The following BPIFB4 variants were observed in gnomAD, a reference collection of about 807,000 sequenced individuals.
BPIFB4 encodes BPI fold-containing family B member 4.
Under a neutral mutation model 69.2 loss-of-function variants are expected in BPIFB4, and 62 were observed. That is an observed-to-expected ratio of 0.90 (90% CI 0.73 to 1.11). The LOEUF (loss-of-function observed/expected upper bound fraction) is 1.11. BPIFB4 is among the 50% of genes least tolerant of loss of function. BPIFB4 has a pLI of 0.00. For missense variants in BPIFB4, 789 were observed against 792.0 expected (o/e 1.00, Z 0.04); for synonymous variants, 330 against 332.7 (o/e 0.99, Z 0.09).
chr20:33,081,723 G>T (rs1981237640), intron 3 of BPIFB4, 91 bp downstream of exon 3: 1 of 1,508,396 alleles, frequency 6.6e-7, no homozygotes, highest in Non-Finnish European at 8.9e-7. Context: ...CCTCCTGCTA[G>T]CAGAGTTCAC....
Position 33,081,623 on chromosome 20 carries a change from T to G in BPIFB4, c.97T>G (p.Leu33Val). 1 of 1,551,702 alleles carries G rather than the reference T, an allele frequency of 6.4e-7. No homozygotes were observed. The highest frequency in any genetic ancestry group is 8.7e-7 in the Non-Finnish European group (1 of 1,147,002). Reference sequence around the variant, plus strand: ...GGTCCTCAGGGTGACGAAAGATGTGTTGAGCAATGGTGAGTCCAGCCCCAA... The same window carrying G: ...GGTCCTCAGGGTGACGAAAGATGTGGTGAGCAATGGTGAGTCCAGCCCCAA... ...NTVLRVTKDV[L>V]SNAISGMLQQ... Residue 33 changes from leucine to valine, a missense_variant, in exon 3 of 18, where the codon TTG becomes GTG. Around this residue, in one of 3 missense-constraint regions of BPIFB4, gnomAD observed 611 missense variants for 575.4 expected, o/e 1.06. Coordinates refer to ENST00000375483, the MANE Select transcript of BPIFB4 (RefSeq NM_182519.3).
chr20:33,083,816 G>T lies in BPIFB4; in HGVS notation c.619G>T (p.Gly207Cys), dbSNP rs1363552255. ...LGDGGLLGGG[G>C]VLGVLGEGGI... ...TGATGGAGGACTTCTTGGAGGAGGGGGTGTCCTGGGCGTGCTCGGCGAGGG... is the reference window on the plus strand; with the variant it reads ...TGATGGAGGACTTCTTGGAGGAGGGTGTGTCCTGGGCGTGCTCGGCGAGGG... Residue 207 changes from glycine to cysteine, a missense_variant, in exon 5 of 18, where the codon GGT (glycine) becomes TGT (cysteine). Coordinates refer to ENST00000375483, the MANE Select transcript of BPIFB4 (RefSeq NM_182519.3). 4 of 1,613,648 alleles carry T rather than the reference G, an allele frequency of 2.5e-6. No homozygotes were observed. The highest frequency in any genetic ancestry group is 1.1e-5 in the South Asian group (1 of 91,064).
chr20:33,099,005 G>C (rs1382131625), intron 13 of BPIFB4, among the ~76,000 whole-genome samples: 1 of 143,282 alleles, frequency 7.0e-6, no homozygotes, highest in African/African-American at 2.6e-5. Flanking sequence ...TTTTTTCTTT[G>C]AGATGGAGTC....
chr20:33,110,823 T>G (rs1268237631), intron 17 of BPIFB4, among the ~76,000 whole-genome samples: 2 of 150,348 alleles, frequency 1.3e-5, no homozygotes, highest in East Asian at 3.9e-4. Flanking sequence ...GTTTTTTTTT[T>G]TTTTTTTTTG....
rs765261261 is a variant in BPIFB4, at chr20:33,107,257, GAAGAGAA to G, written c.1745-476_1745-470del. ...AGGAAGGAAAGAAAAGAAAAGAAAA[GAAGAGAA>G]AAGAGAAAAGGGAAAAGAAAAGAAA... On this transcript the variant is annotated intron_variant, in intron 16 of 17. Coordinates refer to ENST00000375483, the MANE Select transcript of BPIFB4 (RefSeq NM_182519.3). 1.0e-3 allele frequency among the ~76,000 whole-genome samples: 148 copies of G among 143,012 alleles called. No homozygotes were observed. In the Middle Eastern group the frequency reaches 0.011, roughly 11 times the overall value. 93.8% of individuals were successfully genotyped at this position (143,012 alleles called of 152,430 possible). A position where few individuals can be genotyped will look rare whatever the true frequency, so the allele number is the denominator to read the frequency against.
intron 10 of BPIFB4, 26 bp from the exon 11 acceptor site, chr20:33,092,432 G>A: frequency 6.3e-7 from 1 of 1,587,570 alleles, no homozygotes; most frequent in Non-Finnish European, 8.6e-7. Flanking sequence ...CCCTCCCTGT[G>A]ACCCCTTTCT....
intron 5 of BPIFB4, 49 bp from the exon 6 acceptor site, chr20:33,084,843 G>C (rs767443160): frequency 1.3e-6 from 2 of 1,586,920 alleles, no homozygotes; most frequent in Middle Eastern, 1.7e-4. Flanking sequence ...CGGGTGAGTG[G>C]GTGGTAGTTG....
chr20:33,105,119 T>C (rs1226138807), intron 16 of BPIFB4, among the ~76,000 whole-genome samples: 1 of 152,186 alleles, frequency 6.6e-6, no homozygotes, highest in Non-Finnish European at 1.5e-5. Flanking sequence ...AAAATTCCGA[T>C]TATGTATTAA....
intron 5 of BPIFB4, among the ~76,000 whole-genome samples, 170 bp from the exon 6 acceptor site, chr20:33,084,722 C>A (rs1307486333): frequency 6.6e-6 from 1 of 152,160 alleles, no homozygotes; most frequent in African/African-American, 2.4e-5. Context: ...GGCATTTTTG[C>A]CTTAATTTCT....
Position 33,084,888 on chromosome 20 carries a change from G to A in BPIFB4, c.678-4G>A. 1.2e-6 allele frequency: 2 copies of A among 1,605,772 alleles called. No individual in the cohort carries two copies. The highest frequency in any genetic ancestry group is 1.7e-6 in the Non-Finnish European group (2 of 1,179,694). ...GCCTTCTCACCACTCTGTGTCCCGA[G>A]CAGGCTGCGTATCGTGGAGCTGACC... On this transcript the variant is annotated splice_polypyrimidine_tract_variant and splice_region_variant and intron_variant, in intron 5 of 17. Transcript: ENST00000375483.
At position 33,111,731 on chromosome 20, in the gene BPIFB4, A is replaced by G. The variant is rs1349375814; in HGVS notation, c.*294A>G. Reference sequence around the variant, plus strand: ...AGGTTGAGTATTCCCACTTTCAATAAAAGACTCCACTTTCCCGGCACTTGT... The same window carrying G: ...AGGTTGAGTATTCCCACTTTCAATAGAAGACTCCACTTTCCCGGCACTTGT... On this transcript the variant is annotated 3_prime_UTR_variant, in exon 18 of 18. Transcript: ENST00000375483. 4 of 401,878 alleles carry G rather than the reference A, an allele frequency of 1.0e-5. No homozygotes were observed. The highest frequency in any genetic ancestry group is 5.9e-5 in the African/African-American group (3 of 50,606). 24.9% of individuals were successfully genotyped at this position (401,878 alleles called of 1,614,324 possible). A position where few individuals can be genotyped will look rare whatever the true frequency, so the allele number is the denominator to read the frequency against.
chr20:33,101,037 C>A (rs1360464161), intron 14 of BPIFB4, among the ~76,000 whole-genome samples: 2 of 151,982 alleles, frequency 1.3e-5, no homozygotes, highest in African/African-American at 4.8e-5. Context: ...AGAGCAAGAC[C>A]CTGTCTCTAA....
intron 5 of BPIFB4, 92 bp from the exon 6 acceptor site, chr20:33,084,800 G>A (rs1294011828): frequency 2.0e-6 from 3 of 1,510,244 alleles, no homozygotes; most frequent in African/African-American, 2.7e-5. Context: ...GAACAGACGG[G>A]GAGCAGAGAA....
At chr20:33,093,438 C>G (rs1297996681) in intron 11 of BPIFB4, among the ~76,000 whole-genome samples, 3 of 150,592 alleles carry the variant, frequency 2.0e-5, no homozygotes, top group African/African-American at 7.3e-5. Context: ...CATTCATCCA[C>G]CAATTCATCC....
intron 11 of BPIFB4, among the ~76,000 whole-genome samples, chr20:33,093,390 TCCAC>T (rs1181144737): frequency 4.7e-5 from 7 of 149,444 alleles, no homozygotes; most frequent in Non-Finnish European, 1.0e-4. Flanking sequence ...CAGCCATCCA[TCCAC>T]CCACCCACCC....
At chr20:33,089,735 C>G (rs919950305) in intron 9 of BPIFB4, among the ~76,000 whole-genome samples, 177 bp downstream of exon 9, 12 of 152,134 alleles carry the variant, frequency 7.9e-5, no homozygotes, top group Non-Finnish European at 1.6e-4. Flanking sequence ...AAACACCCCC[C>G]CCGAGTACCA....
chr20:33,081,979 G>A (rs1325531503), intron 3 of BPIFB4, among the ~76,000 whole-genome samples: 1 of 152,166 alleles, frequency 6.6e-6, no homozygotes, highest in African/African-American at 2.4e-5. Flanking sequence ...CTGTAAAATG[G>A]GTGTAATTAT....
At position 33,110,506 on chromosome 20, in the gene BPIFB4, G is replaced by T. The variant is rs541587372; in HGVS notation, c.1822-908G>T. ...TAGCTAATCAATCTCTTGTGAGGAG[G>T]TACCAGGAGACCATGCAAATATCCT... On this transcript the variant is annotated intron_variant, in intron 17 of 17. Coordinates refer to ENST00000375483, the MANE Select transcript of BPIFB4 (RefSeq NM_182519.3). 7.9e-5 allele frequency among the ~76,000 whole-genome samples: 12 copies of T among 152,242 alleles called. No individual in the cohort carries two copies. The East Asian group carries it at 2.3e-3, about 29-fold the overall frequency.
At chr20:33,110,006 C>A (rs1364121521) in intron 17 of BPIFB4, among the ~76,000 whole-genome samples, 1 of 152,198 alleles carries the variant, frequency 6.6e-6, no homozygotes, top group Non-Finnish European at 1.5e-5. Flanking sequence ...GAATACCCTT[C>A]TCCCAGCTCC....
Sources: allele counts gnomAD v4.1 joint callset (sites outside exome capture counted in the v4.1 genomes callset), GRCh38; gene constraint gnomAD v4.1.1; regional missense constraint gnomAD v4.1.1; transcripts MANE v1.5; gene names NCBI Gene and HGNC (gene_info 2026-07-23, HGNC 2026-07-21).